Variants in CNTNAP2 observed in about 807,000 individuals in gnomAD.
The protein encoded by CNTNAP2 is contactin-associated protein-like 2.
CNTNAP2 carries 98 observed loss-of-function variants against 155.2 expected under a neutral mutation model. That is an observed-to-expected ratio of 0.63 (90% CI 0.54 to 0.75). CNTNAP2 has a LOEUF of 0.75. Ranked by LOEUF, CNTNAP2 falls within the 30% of genes least tolerant of loss-of-function variation. CNTNAP2 has a pLI of 0.00. For synonymous variants in CNTNAP2, 651 were observed against 631.2 expected (o/e 1.03, Z -0.47); for missense variants, 1,727 against 1,688.1 (o/e 1.02, Z -0.40).
intron 1 of CNTNAP2, among the ~76,000 whole-genome samples, chr7:146,590,087 G>A (rs552572865): frequency 3.9e-5 from 6 of 152,176 alleles, no homozygotes; most frequent in African/African-American, 7.2e-5. Context: ...TTAGCTTTCC[G>A]GCTTCGTTGT....
intron 1 of CNTNAP2, among the ~76,000 whole-genome samples, chr7:146,361,394 G>A (rs764022376): frequency 1.1e-3 from 168 of 152,126 alleles, no homozygotes; most frequent in Non-Finnish European, 2.1e-3. Flanking sequence ...GTGTACCAAG[G>A]GACTGTATTT....
intron 11 of CNTNAP2, among the ~76,000 whole-genome samples, chr7:147,506,177 C>T (rs1584777935): frequency 6.6e-6 from 1 of 152,166 alleles, no homozygotes; most frequent in African/African-American, 2.4e-5. Flanking sequence ...TTCTAAGACC[C>T]ATCAATATGA....
chr7:147,210,228 CT>C lies in CNTNAP2; in HGVS notation c.1348+77723del, dbSNP rs1190572245. ...AGCTGTTAATCCATCTGATTCAGGG[CT>C]TTTATTGGTTAGTAGGCTTTTTATT... On this transcript the variant is annotated intron_variant, in intron 8 of 23. Coordinates refer to ENST00000361727, the MANE Select transcript of CNTNAP2 (RefSeq NM_014141.6). Among the ~76,000 whole-genome samples the C allele has an allele frequency of 4.0e-5, 6 of 151,816 alleles. No individual in the cohort carries two copies. In the East Asian group the frequency reaches 1.2e-3, roughly 29 times the overall value.
intron 13 of CNTNAP2, among the ~76,000 whole-genome samples, chr7:147,707,909 G>C (rs1563060064): frequency 6.6e-6 from 1 of 152,148 alleles, no homozygotes; most frequent in Non-Finnish European, 1.5e-5. Flanking sequence ...CAGGACCACA[G>C]AAGGAGTACC....
chr7:146,898,517 A>C (rs1585145125), intron 3 of CNTNAP2, among the ~76,000 whole-genome samples: 1 of 152,142 alleles, frequency 6.6e-6, no homozygotes, highest in East Asian at 1.9e-4. Context: ...ATAAAAAAAA[A>C]AACTCTTCTT....
intron 4 of CNTNAP2, among the ~76,000 whole-genome samples, chr7:147,078,987 G>T (rs928258108): frequency 6.6e-6 from 1 of 152,128 alleles, no homozygotes; most frequent in African/African-American, 2.4e-5. Context: ...CTGACCTCAG[G>T]TGATCTGCTC....
intron 7 of CNTNAP2, among the ~76,000 whole-genome samples, chr7:147,131,886 A>G (rs889414888): frequency 3.3e-5 from 5 of 151,928 alleles, no homozygotes; most frequent in African/African-American, 1.2e-4. Flanking sequence ...ATGTTCGGCC[A>G]GCAGTAGCTT....
intron 13 of CNTNAP2, among the ~76,000 whole-genome samples, chr7:147,711,806 T>A (rs139315409): frequency 1.1e-4 from 16 of 152,318 alleles, no homozygotes; most frequent in African/African-American, 3.8e-4. Context: ...ATAAATACTG[T>A]ACTGACTTCT....
intron 13 of CNTNAP2, among the ~76,000 whole-genome samples, chr7:147,642,640 T>C (rs1488798991): frequency 6.6e-6 from 1 of 152,170 alleles, no homozygotes; most frequent in Non-Finnish European, 1.5e-5. Flanking sequence ...ACATTTTTCT[T>C]TAACCTCTAG....
At chr7:147,047,473 T>C (rs1278257481) in intron 4 of CNTNAP2, among the ~76,000 whole-genome samples, 1 of 152,054 alleles carries the variant, frequency 6.6e-6, no homozygotes, top group Non-Finnish European at 1.5e-5. Context: ...TGGATTCCCA[T>C]TTATCTATCT....
At chr7:147,295,974 T>C (rs1172674372) in intron 8 of CNTNAP2, among the ~76,000 whole-genome samples, 2 of 152,180 alleles carry the variant, frequency 1.3e-5, no homozygotes, top group African/African-American at 4.8e-5. Flanking sequence ...TTTAATCTGA[T>C]TAGAATAATA....
intron 12 of CNTNAP2, among the ~76,000 whole-genome samples, chr7:147,620,909 C>T (rs1220974020): frequency 6.6e-6 from 1 of 151,940 alleles, no homozygotes; most frequent in African/African-American, 2.4e-5. Context: ...GCAGATTTGA[C>T]CCAAAGAAGA....
At chr7:148,119,483 C>T (rs1177469165) in intron 16 of CNTNAP2, among the ~76,000 whole-genome samples, 2 of 152,136 alleles carry the variant, frequency 1.3e-5, no homozygotes, top group Non-Finnish European at 1.5e-5. Flanking sequence ...TTGCAGTGAG[C>T]CTAGATTGCG....
At chr7:147,207,192 A>G (rs1436954533) in intron 8 of CNTNAP2, among the ~76,000 whole-genome samples, 1 of 152,180 alleles carries the variant, frequency 6.6e-6, no homozygotes, top group Non-Finnish European at 1.5e-5. Context: ...CTTTTAATAA[A>G]GAGGAAAATA....
At chr7:147,903,419 G>T (rs1244934494) in intron 13 of CNTNAP2, 146 bp from the exon 14 acceptor site, 2 of 846,868 alleles carry the variant, frequency 2.4e-6, no homozygotes, top group Non-Finnish European at 3.8e-6. Context: ...CACTCTGTGG[G>T]TTGTCTGTTT....
chr7:148,131,198 A>G (rs868232037), intron 16 of CNTNAP2, among the ~76,000 whole-genome samples: 18 of 147,632 alleles, frequency 1.2e-4, no homozygotes, highest in Middle Eastern at 3.5e-3. Flanking sequence ...TCCCGGGTTC[A>G]AGCAATTCTC....
chr7:146,638,472 G>GTTTTTTTTTTTTTT (rs1554460106), intron 1 of CNTNAP2, among the ~76,000 whole-genome samples: 1 of 100,104 alleles, frequency 1.0e-5, no homozygotes, highest in Non-Finnish European at 2.0e-5. Flanking sequence ...ACAGTCAGGT[G>GTTTTTTTTTTTTTT]TTTCTTTTTT....
chr7:146,324,944 G>T (rs1801071494), intron 1 of CNTNAP2, among the ~76,000 whole-genome samples: 1 of 152,010 alleles, frequency 6.6e-6, no homozygotes, highest in Admixed American at 6.6e-5. Flanking sequence ...TGACAATATA[G>T]TTTTTTTGGA....
chr7:148,420,923 CTTTCA>C lies in CNTNAP2; in HGVS notation c.*5311_*5315del, dbSNP rs1391031503. 3 of 152,690 alleles carry C rather than the reference CTTTCA, an allele frequency of 2.0e-5. No homozygotes were observed. Among genetic ancestry groups the C allele is most frequent in the East Asian group, 1.9e-4 (1 of 5,188 alleles). The allele number at this position is 152,690 out of a possible 1,614,324, so 9.5% of individuals were successfully genotyped here. Reference sequence around the variant, plus strand: ...TATGCCTAATATTCTTTGTGAATGTCTTTCATTTAACTAAAATTATATTAGAAACC... The same window carrying C: ...TATGCCTAATATTCTTTGTGAATGTCTTTAACTAAAATTATATTAGAAACC... On this transcript the variant is annotated 3_prime_UTR_variant, in exon 24 of 24. Coordinates refer to ENST00000361727, the MANE Select transcript of CNTNAP2 (RefSeq NM_014141.6).
Sources: allele counts gnomAD v4.1 joint callset (sites outside exome capture counted in the v4.1 genomes callset), GRCh38; gene constraint gnomAD v4.1.1; transcripts MANE v1.5; gene names NCBI Gene and HGNC (gene_info 2026-07-23, HGNC 2026-07-21).